Variants in ZC3H12B observed in about 807,000 individuals in gnomAD.
ZC3H12B encodes the protein zinc finger CCCH-type containing 12B, also known as probable ribonuclease ZC3H12B.
A neutral mutation model predicts 43.9 loss-of-function variants in ZC3H12B; 7 were observed. The ratio of observed to expected loss-of-function variants is 0.16; its 90% CI spans 0.09 to 0.30. The LOEUF (loss-of-function observed/expected upper bound fraction) is 0.30. Ranked by LOEUF, ZC3H12B falls within the 10% of genes least tolerant of loss-of-function variation. The pLI, the probability that ZC3H12B is intolerant of heterozygous loss-of-function variation, is 1.00. For missense variants in ZC3H12B, 475 were observed against 670.2 expected, an observed-to-expected ratio of 0.71 and a Z score of 3.22; for synonymous variants, 222 against 241.7, an observed-to-expected ratio of 0.92 and a Z score of 0.76.
chrX:65,254,090 G>T, the ZC3H12B span, among the ~76,000 whole-genome samples: 1 of 112,025 alleles, frequency 8.9e-6, no homozygotes, highest in Non-Finnish European at 1.9e-5. Context: ...ATTGCTGCCA[G>T]TGTGGGCACA....
At chrX:65,492,169 G>A (rs777072403) in intron 1 of ZC3H12B, among the ~76,000 whole-genome samples, 1 of 110,905 alleles carries the variant, frequency 9.0e-6, no homozygotes, top group Non-Finnish European at 1.9e-5. Flanking sequence ...GGTTTGGTCT[G>A]GTTTTGTGTT....
the ZC3H12B span, among the ~76,000 whole-genome samples, chrX:65,040,336 T>G: frequency 2.7e-5 from 3 of 110,157 alleles, no homozygotes; most frequent in African/African-American, 1.0e-4. Flanking sequence ...TATATTCTGT[T>G]TCTCTTCCTG....
At chrX:65,392,592 G>A (rs2066638307) in intron 2 of ZC3H12B, among the ~76,000 whole-genome samples, 1 of 110,952 alleles carries the variant, frequency 9.0e-6, no homozygotes, top group Admixed American at 9.4e-5. Context: ...CTGGGAGGTG[G>A]GTGGTGCCCC....
intron 3 of ZC3H12B, among the ~76,000 whole-genome samples, chrX:65,431,250 T>A (rs2067158597): frequency 8.9e-6 from 1 of 112,629 alleles, no homozygotes; most frequent in African/African-American, 3.2e-5. Context: ...ATATGGAAAG[T>A]AAATCCACAT....
At chrX:65,224,016 G>C in the ZC3H12B span, among the ~76,000 whole-genome samples, 1 of 112,238 alleles carries the variant, frequency 8.9e-6, no homozygotes, top group East Asian at 2.8e-4. Flanking sequence ...ATTTATAGCA[G>C]CACAATTCAC....
the ZC3H12B span, among the ~76,000 whole-genome samples, chrX:65,066,450 C>A: frequency 1.8e-5 from 2 of 111,761 alleles, no homozygotes; most frequent in Non-Finnish European, 3.8e-5. Context: ...GACCCTGTTT[C>A]CCTGGGTATC....
chrX:65,271,563 TA>T, the ZC3H12B span: 2 of 112,404 alleles, frequency 1.8e-5, no homozygotes, highest in African/African-American at 6.5e-5. Flanking sequence ...GATGATATGG[TA>T]AACATTTAAC....
chrX:65,501,769 C>T lies in ZC3H12B; in HGVS notation c.1091-20C>T. ...TTCCATCACTGAGAGAGAGTCTTAC[C>T]CCAAGGCATTATTTTTCAGGCAAAA... On this transcript the variant is annotated intron_variant, in intron 4 of 4. Coordinates refer to ENST00000338957, the Ensembl canonical transcript of ZC3H12B. 2 of 1,127,630 alleles carry T rather than the reference C, an allele frequency of 1.8e-6. No homozygotes were observed. The highest frequency in any genetic ancestry group is 2.2e-5 in the South Asian group (1 of 45,476). 92.9% of individuals were successfully genotyped at this position (1,127,630 alleles called of 1,213,427 possible).
the ZC3H12B span, among the ~76,000 whole-genome samples, chrX:65,343,322 T>C: frequency 1.8e-5 from 2 of 111,925 alleles, no homozygotes; most frequent in African/African-American, 3.2e-5. Flanking sequence ...CCTAACTCAT[T>C]CTATGAGGAC....
intron 3 of ZC3H12B, among the ~76,000 whole-genome samples, chrX:65,438,805 C>G (rs943810338): frequency 8.8e-6 from 1 of 113,233 alleles, no homozygotes; most frequent in Non-Finnish European, 1.9e-5. Context: ...GTTCCTTGCC[C>G]TCATCCCCAT....
intron 3 of ZC3H12B, chrX:65,408,521 C>A (rs1358221759): frequency 6.6e-6 from 8 of 1,205,666 alleles, no homozygotes; most frequent in Non-Finnish European, 7.8e-6. Flanking sequence ...TACGCCTCAC[C>A]CTTCGGGACT....
At chrX:65,233,195 C>A in the ZC3H12B span, among the ~76,000 whole-genome samples, 1 of 111,349 alleles carries the variant, frequency 9.0e-6, no homozygotes, top group Non-Finnish European at 1.9e-5. Flanking sequence ...ATCATGTAGA[C>A]AAAAAATTAG....
chrX:65,354,184 AG>A, the ZC3H12B span, among the ~76,000 whole-genome samples: 2 of 112,153 alleles, frequency 1.8e-5, no homozygotes, highest in Non-Finnish European at 3.8e-5. Context: ...GACACCTCCC[AG>A]CAGGGGTCGA....
the ZC3H12B span, among the ~76,000 whole-genome samples, chrX:65,056,625 G>A: frequency 9.0e-6 from 1 of 111,413 alleles, no homozygotes; most frequent in Non-Finnish European, 1.9e-5. Context: ...GCAGAGCTGA[G>A]TTCATTTCCC....
the ZC3H12B span, among the ~76,000 whole-genome samples, chrX:65,071,765 G>A: frequency 8.9e-6 from 1 of 112,017 alleles, no homozygotes; most frequent in East Asian, 2.8e-4. Flanking sequence ...CTTTAAGAAT[G>A]TGGAATATTG....
the ZC3H12B span, among the ~76,000 whole-genome samples, chrX:65,211,887 T>TA: frequency 2.0e-3 from 155 of 76,870 alleles, 1 homozygote; most frequent in African/African-American, 6.9e-3. Flanking sequence ...ATATGTTATG[T>TA]ATACTATATA....
At chrX:65,378,075 G>T (rs1367157012) in intron 2 of ZC3H12B, among the ~76,000 whole-genome samples, 1 of 110,152 alleles carries the variant, frequency 9.1e-6, no homozygotes, top group African/African-American at 3.3e-5. Context: ...CTCCCGCCTG[G>T]GTGACAGAGC....
At chrX:65,362,730 T>C (rs749843936), upstream of ZC3H12B, among the ~76,000 whole-genome samples, 3 of 111,244 alleles carry the variant, frequency 2.7e-5, no homozygotes, top group South Asian at 1.2e-3. Context: ...TTAAAGCCTG[T>C]TATCACTCGC....
chrX:65,212,563 T>C, the ZC3H12B span, among the ~76,000 whole-genome samples: 6 of 78,729 alleles, frequency 7.6e-5, no homozygotes, highest in Non-Finnish European at 1.1e-4. Flanking sequence ...ATATTATATG[T>C]TATATATAAT....
Sources: gnomAD v4.1 joint callset for allele counts (sites outside exome capture counted in the v4.1 genomes callset) on GRCh38, gnomAD v4.1.1 for gene constraint, MANE v1.5 for transcripts, NCBI Gene and HGNC (gene_info 2026-07-23, HGNC 2026-07-21) for gene names.